Variants in GARRE1 observed in about 807,000 individuals in gnomAD.
The protein encoded by GARRE1 is granule associated Rac and RHOG effector 1.
In GARRE1, 49 loss-of-function variants were observed where a neutral mutation model predicts 103.2. That is an observed-to-expected ratio of 0.47 (90% confidence interval 0.38 to 0.60). GARRE1 has a LOEUF of 0.60. Ranked by LOEUF, GARRE1 falls within the 20% of genes least tolerant of loss-of-function variation. GARRE1 has a pLI of 0.00. For synonymous variants in GARRE1, 505 were observed against 532.8 expected (o/e 0.95, Z 0.72); for missense variants, 1,199 against 1,370.5 (o/e 0.87, Z 1.98).
intron 3 of GARRE1, among the ~76,000 whole-genome samples, chr19:34,321,219 G>A (rs970187622): frequency 2.3e-5 from 3 of 127,932 alleles, no homozygotes; most frequent in Admixed American, 1.7e-4. Flanking sequence ...ACCAAGCCCG[G>A]CTAATTTTTT....
intron 2 of GARRE1, among the ~76,000 whole-genome samples, chr19:34,302,850 T>C (rs751443124): frequency 6.6e-6 from 1 of 151,164 alleles, no homozygotes; most frequent in Non-Finnish European, 1.5e-5. Context: ...GTTCTAGCAG[T>C]TCTCCTGCCT....
At chr19:34,305,125 A>G (rs1366948608) in intron 2 of GARRE1, among the ~76,000 whole-genome samples, 1 of 152,206 alleles carries the variant, frequency 6.6e-6, no homozygotes, top group African/African-American at 2.4e-5. Flanking sequence ...AATTCAACAC[A>G]TAAAAAAGCA....
chr19:34,319,624 G>C (rs1386652166), intron 2 of GARRE1, among the ~76,000 whole-genome samples: 3 of 152,102 alleles, frequency 2.0e-5, no homozygotes, highest in African/African-American at 7.2e-5. Context: ...GATATAGGGG[G>C]TGGAGACAGG....
chr19:34,322,464 G>C (rs1430128516), intron 3 of GARRE1, among the ~76,000 whole-genome samples: 1 of 151,060 alleles, frequency 6.6e-6, no homozygotes, highest in Non-Finnish European at 1.5e-5. Flanking sequence ...GAGCCACCAT[G>C]CCTGGCCATT....
intron 1 of GARRE1, among the ~76,000 whole-genome samples, chr19:34,260,522 A>AT (rs1465456809): frequency 2.6e-5 from 3 of 115,464 alleles, no homozygotes; most frequent in African/African-American, 1.4e-4. Context: ...TGGTAATATC[A>AT]TTTTTTTATT....
chr19:34,341,518 T>A lies in GARRE1; in HGVS notation c.1584T>A (p.Ser528=), dbSNP rs201908581. 3.0e-5 allele frequency: 49 copies of A among 1,613,990 alleles called. No homozygotes were observed. The highest frequency in any genetic ancestry group is 3.7e-5 in the Non-Finnish European group (44 of 1,180,036). ...ADLPSGNGNK[S]SGGLQKTFSK... The stretch of plus-strand genomic sequence containing the variant: ...TGCCTTCTGGAAATGGAAACAAATC[T>A]TCAGGTGGCCTGCAGAAGACATTCT... Residue 528 remains serine, a synonymous_variant, in exon 10 of 14, where the codon TCT becomes TCA. Coordinates refer to ENST00000299505, the MANE Select transcript of GARRE1 (RefSeq NM_014686.5).
At chr19:34,333,860 G>A (rs2074148974) in intron 8 of GARRE1, 59 bp downstream of exon 8, 1 of 1,007,276 alleles carries the variant, frequency 9.9e-7, no homozygotes, top group Non-Finnish European at 1.6e-6. Context: ...GCACATCTTT[G>A]AAATGATGGC....
At chr19:34,303,733 A>G (rs1370522555) in intron 2 of GARRE1, among the ~76,000 whole-genome samples, 1 of 151,988 alleles carries the variant, frequency 6.6e-6, no homozygotes, top group Non-Finnish European at 1.5e-5. Flanking sequence ...CTCTTGCCTC[A>G]GCCTCCCGAG....
chr19:34,346,079 T>C (rs1203937640), intron 10 of GARRE1, among the ~76,000 whole-genome samples: 3 of 152,150 alleles, frequency 2.0e-5, no homozygotes, highest in Non-Finnish European at 2.9e-5. Context: ...CCCGTCTAGA[T>C]AGGCAAAATC....
At chr19:34,311,942 T>C (rs1036853573) in intron 2 of GARRE1, among the ~76,000 whole-genome samples, 2 of 151,838 alleles carry the variant, frequency 1.3e-5, no homozygotes, top group African/African-American at 2.4e-5. Flanking sequence ...CTGTATTGGT[T>C]TTGGGTTTGA....
intron 3 of GARRE1, among the ~76,000 whole-genome samples, chr19:34,321,685 C>T (rs1010216165): frequency 6.6e-6 from 1 of 152,118 alleles, no homozygotes; most frequent in African/African-American, 2.4e-5. Context: ...ACCGTCTTGG[C>T]CAGGCTGGTC....
intron 9 of GARRE1, 91 bp from the exon 10 acceptor site, chr19:34,341,308 ACCAACCTGAGAGGTTTTTCTTGC>A: frequency 1.2e-6 from 1 of 840,532 alleles, no homozygotes; most frequent in Non-Finnish European, 1.9e-6. Context: ...TGAACCCGAT[ACCAACCTGAGAGGTTTTTCTTGC>A]TCTCAACGCC....
At chr19:34,308,156 A>C (rs1193788617) in intron 2 of GARRE1, among the ~76,000 whole-genome samples, 1 of 151,984 alleles carries the variant, frequency 6.6e-6, no homozygotes, top group Non-Finnish European at 1.5e-5. Flanking sequence ...ATTGTAGAGT[A>C]ACAATAATGG....
chr19:34,260,544 A>G (rs938896269), intron 1 of GARRE1, among the ~76,000 whole-genome samples: 2 of 152,044 alleles, frequency 1.3e-5, no homozygotes, highest in African/African-American at 4.8e-5. Flanking sequence ...TTATTTTATT[A>G]TTATACTTTA....
At chr19:34,257,623 G>C (rs1318467142) in intron 1 of GARRE1, among the ~76,000 whole-genome samples, 10 of 152,148 alleles carry the variant, frequency 6.6e-5, no homozygotes, top group African/African-American at 2.4e-4. Context: ...TGAAAAGCAG[G>C]TTGCCGTTTT....
At chr19:34,306,342 T>A (rs534838694) in intron 2 of GARRE1, among the ~76,000 whole-genome samples, 2 of 152,356 alleles carry the variant, frequency 1.3e-5, no homozygotes, top group East Asian at 3.9e-4. Context: ...GGACAAAGGA[T>A]GATCCTGTCC....
intron 1 of GARRE1, among the ~76,000 whole-genome samples, chr19:34,270,042 A>G (rs969772726): frequency 1.5e-4 from 23 of 152,136 alleles, no homozygotes; most frequent in Non-Finnish European, 1.0e-4. Context: ...TGATGTTTTA[A>G]TGATACCCTC....
intron 1 of GARRE1, among the ~76,000 whole-genome samples, chr19:34,290,962 A>G (rs1042798159): frequency 8.4e-6 from 1 of 118,854 alleles, no homozygotes; most frequent in African/African-American, 3.3e-5. Context: ...GCTGGAGTGT[A>G]GTGGTGTGAT....
At chr19:34,328,186 A>T (rs376108490) in intron 6 of GARRE1, 35 bp downstream of exon 6, 16 of 1,605,082 alleles carry the variant, frequency 1.0e-5, no homozygotes, top group Non-Finnish European at 1.4e-5. Context: ...AATGAGTGTG[A>T]ACTTGAAAAT....
Sources: allele counts gnomAD v4.1 joint callset (sites outside exome capture counted in the v4.1 genomes callset), GRCh38; gene constraint gnomAD v4.1.1; transcripts MANE v1.5; gene names NCBI Gene and HGNC (gene_info 2026-07-23, HGNC 2026-07-21).